AFAP1L1: variants seen among roughly 807,000 people sequenced by gnomAD.
AFAP1L1 encodes actin filament associated protein 1 like 1.
In AFAP1L1, 77 loss-of-function variants were observed where a neutral mutation model predicts 99.8. The ratio of observed to expected loss-of-function variants is 0.77; its 90% confidence interval spans 0.64 to 0.93. AFAP1L1 has a LOEUF of 0.93. Ranked by LOEUF, AFAP1L1 falls within the 40% of genes least tolerant of loss-of-function variation. The probability of loss-of-function intolerance (pLI) is 0.00; values close to 1 mark genes in which losing one functional copy is unlikely to be tolerated. For missense variants in AFAP1L1, 893 were observed against 996.8 expected, an observed-to-expected ratio of 0.90 and a Z score of 1.40; for synonymous variants, 373 against 395.3, an observed-to-expected ratio of 0.94 and a Z score of 0.67.
At chr5:149,307,342 G>T (rs1756448514) in intron 6 of AFAP1L1, 60 bp from the exon 7 acceptor site, 3 of 1,562,202 alleles carry the variant, frequency 1.9e-6, no homozygotes, top group Non-Finnish European at 2.6e-6. Context: ...GCTGCAGAGG[G>T]GTGAGAAGGT....
rs1048786455 is a variant in AFAP1L1 at position 149,294,696 on chromosome 5, G to A, written c.17-4813G>A. ...CTTCACGCAGGAATTTCAGCCTCAC[G>A]GTGAGGGTTTCCACCCACAGGTAAA... On this transcript the variant is annotated intron_variant, in intron 1 of 18. Coordinates refer to ENST00000296721, the MANE Select transcript of AFAP1L1 (RefSeq NM_152406.4). Among the ~76,000 whole-genome samples, 27 of 152,128 alleles carry A rather than the reference G, an allele frequency of 1.8e-4. 1 individual carries two copies. Among genetic ancestry groups the A allele is most frequent in the Admixed American group, 1.2e-3 (19 of 15,272 alleles).
intron 9 of AFAP1L1, among the ~76,000 whole-genome samples, chr5:149,313,818 G>A (rs1756713172): frequency 1.3e-5 from 2 of 152,242 alleles, no homozygotes; most frequent in Admixed American, 1.3e-4. Flanking sequence ...AGGCTTCTCT[G>A]AGGAAGTGAC....
At chr5:149,280,489 G>C (rs1755482741) in intron 1 of AFAP1L1, among the ~76,000 whole-genome samples, 1 of 150,886 alleles carries the variant, frequency 6.6e-6, no homozygotes, top group Non-Finnish European at 1.5e-5. Flanking sequence ...TTTTTTCCTG[G>C]CACATCCCCC....
chr5:149,336,966 T>C (rs1262766681), intron 18 of AFAP1L1, among the ~76,000 whole-genome samples: 1 of 152,184 alleles, frequency 6.6e-6, no homozygotes, highest in Non-Finnish European at 1.5e-5. Flanking sequence ...TCTGAAAAAC[T>C]GGTAGGAGAT....
At chr5:149,331,497 G>C (rs3104351) in intron 16 of AFAP1L1, among the ~76,000 whole-genome samples, 1 of 151,770 alleles carries the variant, frequency 6.6e-6, no homozygotes, top group East Asian at 1.9e-4. Context: ...GCGGGTGCCT[G>C]TAGTCCCAGC....
intron 1 of AFAP1L1, among the ~76,000 whole-genome samples, chr5:149,281,146 G>C (rs541421145): frequency 2.0e-5 from 3 of 152,226 alleles, no homozygotes; most frequent in East Asian, 1.9e-4. Context: ...ATTCACGGTG[G>C]GGGGGTTGCT....
At chr5:149,322,514 A>G in intron 14 of AFAP1L1, 92 bp from the exon 15 acceptor site, 1 of 810,418 alleles carries the variant, frequency 1.2e-6, no homozygotes, top group Non-Finnish European at 1.9e-6. Context: ...TCAGAGCAAG[A>G]AGACTCCATA....
chr5:149,318,061 A>G (rs1192593516), intron 12 of AFAP1L1, 121 bp downstream of exon 12: 2 of 1,173,948 alleles, frequency 1.7e-6, no homozygotes, highest in East Asian at 5.1e-5. Context: ...GAAGGAAAGC[A>G]AGCCTCACTC....
intron 1 of AFAP1L1, among the ~76,000 whole-genome samples, chr5:149,292,563 T>A (rs1755891137): frequency 6.6e-6 from 1 of 152,234 alleles, no homozygotes; most frequent in Non-Finnish European, 1.5e-5. Context: ...TTTGAAAAAC[T>A]TTTTTGCAAC....
rs533843765 is a variant in AFAP1L1, at chr5:149,291,717, T to C, written c.17-7792T>C. ...TACTGTGGGTCATACCCCACTGATATGTTAATACAGTATGCAGAAAGTTAA... is the reference window on the plus strand; with the variant it reads ...TACTGTGGGTCATACCCCACTGATACGTTAATACAGTATGCAGAAAGTTAA... On this transcript the variant is annotated intron_variant, in intron 1 of 18. Transcript: ENST00000296721. 3.9e-5 allele frequency among the ~76,000 whole-genome samples: 6 copies of C among 152,206 alleles called. No individual in the cohort carries two copies. In the South Asian group the frequency reaches 6.2e-4, roughly 16 times the overall value.
In AFAP1L1 at chr5:149,285,255, G is replaced by A. The variant is rs143489470; in HGVS notation, c.16+13271G>A. ...GCAGATAGTCAGAGTGGCCATCTGAGCTCAGCTTCCAGCCTCCCACCTAGA... is the reference window on the plus strand; with the variant it reads ...GCAGATAGTCAGAGTGGCCATCTGAACTCAGCTTCCAGCCTCCCACCTAGA... On this transcript the variant is annotated intron_variant, in intron 1 of 18. Transcript: ENST00000296721. 2.6e-5 allele frequency among the ~76,000 whole-genome samples: 4 copies of A among 152,200 alleles called. No homozygotes were observed. In the East Asian group the frequency reaches 7.7e-4, roughly 29 times the overall value.
In AFAP1L1 at chr5:149,302,410, C is replaced by T; in HGVS notation, c.328-8C>T. ...GCTCCCCTAGCCCTCTTTTTTGTCC[C>T]CTTGCAGGCGGCCGACCTGCCTCCA... On this transcript the variant is annotated splice_polypyrimidine_tract_variant and splice_region_variant and intron_variant, in intron 4 of 18. Transcript: ENST00000296721. 1.9e-6 allele frequency: 3 copies of T among 1,567,358 alleles called. No homozygotes were observed. The highest frequency in any genetic ancestry group is 2.6e-6 in the Non-Finnish European group (3 of 1,156,046).
intron 9 of AFAP1L1, among the ~76,000 whole-genome samples, chr5:149,312,946 G>A (rs1756682640): frequency 6.6e-6 from 1 of 151,734 alleles, no homozygotes. Context: ...GACCAACATG[G>A]AGAAACCCCA....
chr5:149,283,823 A>G (rs1176499968), intron 1 of AFAP1L1, among the ~76,000 whole-genome samples: 2 of 152,132 alleles, frequency 1.3e-5, no homozygotes, highest in Non-Finnish European at 2.9e-5. Flanking sequence ...ATCTCCTGGG[A>G]GTGTGCCAGG....
chr5:149,297,362 CAGACTT>C (rs1756050226), intron 1 of AFAP1L1, among the ~76,000 whole-genome samples: 1 of 152,076 alleles, frequency 6.6e-6, no homozygotes, highest in Admixed American at 6.5e-5. Flanking sequence ...AGGGATCACA[CAGACTT>C]AGAATCAGTC....
At chr5:149,289,854 G>A (rs1275341177) in intron 1 of AFAP1L1, among the ~76,000 whole-genome samples, 1 of 152,190 alleles carries the variant, frequency 6.6e-6, no homozygotes, top group Non-Finnish European at 1.5e-5. Flanking sequence ...ACTGGGGGAG[G>A]CATAACAACT....
chr5:149,293,069 A>G (rs1755907956), intron 1 of AFAP1L1, among the ~76,000 whole-genome samples: 1 of 152,194 alleles, frequency 6.6e-6, no homozygotes, highest in South Asian at 2.1e-4. Context: ...AGGCTTGCAG[A>G]GTCCCACCAT....
intron 9 of AFAP1L1, chr5:149,315,583 T>C (rs1756768449): frequency 2.0e-6 from 1 of 495,072 alleles, no homozygotes; most frequent in Non-Finnish European, 3.7e-6. Context: ...CAAAGTGTTA[T>C]AATTAATTGC....
At chr5:149,285,470 T>C (rs1269944188) in intron 1 of AFAP1L1, among the ~76,000 whole-genome samples, 2 of 152,186 alleles carry the variant, frequency 1.3e-5, no homozygotes, top group Admixed American at 1.3e-4. Context: ...CTGTCTTACA[T>C]TGAGAAAACA....
Sources: gnomAD v4.1 joint callset for allele counts (sites outside exome capture counted in the v4.1 genomes callset) on GRCh38, gnomAD v4.1.1 for gene constraint, MANE v1.5 for transcripts, NCBI Gene and HGNC (gene_info 2026-07-23, HGNC 2026-07-21) for gene names.